Variants in AAK1 observed in about 807,000 individuals in gnomAD.
AAK1 encodes the protein AP2-associated protein kinase 1.
A neutral mutation model predicts 116.0 loss-of-function variants in AAK1; 37 were observed. The observed-to-expected ratio is 0.32, with a 90% CI of 0.25 to 0.42. AAK1 has a LOEUF of 0.42. Among genes scored for constraint, AAK1 ranks in the 10% least tolerant of loss-of-function variants. The pLI is 1.00. For synonymous variants in AAK1, 458 were observed against 439.9 expected (o/e 1.04, Z -0.51); for missense variants, 919 against 1,170.6 (o/e 0.79, Z 3.14).
chr2:69,634,024 G>C (rs1675338752), intron 2 of AAK1, among the ~76,000 whole-genome samples: 1 of 152,184 alleles, frequency 6.6e-6, no homozygotes, highest in Admixed American at 6.5e-5. Context: ...ACAAAAATTA[G>C]CTGGGTGTGG....
At position 69,475,935 on chromosome 2, in the gene AAK1, G is replaced by A; in HGVS notation, c.2820C>T (p.Ser940=). Residue 940 remains serine (S), a synonymous_variant, in exon 22 of 22, where the codon AGC becomes AGT. Transcript: ENST00000409085. ...CTAGGTTGGGAAGACTGGACTCAGA[G>A]CTCCCACTGCTGTTTCTAGAGTGCC... ...QGGHSRNSSG[S]SESSLPNLAR... 1 of 1,612,364 alleles carries A rather than the reference G, an allele frequency of 6.2e-7. No homozygotes were observed. Among genetic ancestry groups the A allele is most frequent in the Non-Finnish European group, 8.5e-7 (1 of 1,179,302 alleles).
chr2:69,640,087 C>A (rs1372372218), intron 2 of AAK1, among the ~76,000 whole-genome samples: 1 of 147,388 alleles, frequency 6.8e-6, no homozygotes, highest in South Asian at 2.1e-4. Flanking sequence ...TCTCCCCCCC[C>A]ACATATATAC....
intron 2 of AAK1, among the ~76,000 whole-genome samples, chr2:69,642,107 A>G: frequency 6.6e-6 from 1 of 152,212 alleles, no homozygotes; most frequent in Non-Finnish European, 1.5e-5. Context: ...ATAGACACAC[A>G]GATGAAACAC....
At chr2:69,514,991 T>A (rs924499601) in intron 12 of AAK1, among the ~76,000 whole-genome samples, 1 of 152,232 alleles carries the variant, frequency 6.6e-6, no homozygotes. Flanking sequence ...CACTACAGAC[T>A]GGCCTTCCAA....
chr2:69,630,046 A>T (rs1416576907), intron 2 of AAK1, among the ~76,000 whole-genome samples: 1 of 152,132 alleles, frequency 6.6e-6, no homozygotes, highest in Admixed American at 6.5e-5. Flanking sequence ...GGAAAGAACT[A>T]AATCCACGGT....
Position 69,514,429 on chromosome 2 carries a change from T to G in AAK1, c.1776+42A>C, listed in dbSNP as rs781119911. On this transcript the variant is annotated intron_variant, in intron 13 of 21. Transcript: ENST00000409085. ...CCTTCCCCTAGCTCTCGCTGCACATTCCTCTGCTGCTTTTGTGCTCTGAGC... is the reference window on the plus strand; with the variant it reads ...CCTTCCCCTAGCTCTCGCTGCACATGCCTCTGCTGCTTTTGTGCTCTGAGC... 4 of 1,488,682 alleles carry G rather than the reference T, an allele frequency of 2.7e-6. No individual in the cohort carries two copies. The South Asian group carries it at 4.1e-5, about 15-fold the overall frequency. The allele number at this position is 1,488,682 out of a possible 1,614,324, so 92.2% of individuals were successfully genotyped here. A position where few individuals can be genotyped will look rare whatever the true frequency, so the allele number is the denominator to read the frequency against.
chr2:69,465,366 G>A lies in AAK1; in HGVS notation c.*10503C>T. 1.7e-6 allele frequency: 2 copies of A among 1,196,570 alleles called. No individual in the cohort carries two copies. Among genetic ancestry groups the A allele is most frequent in the Non-Finnish European group, 2.1e-6 (2 of 937,060 alleles). 74.1% of individuals were successfully genotyped at this position (1,196,570 alleles called of 1,614,324 possible). A position where few individuals can be genotyped will look rare whatever the true frequency, so the allele number is the denominator to read the frequency against. ...TTCTTCAGAAGGCTAAGCTGGGAGT[G>A]CCATGGCGGGTATTGAGGGTGGGAT... On this transcript the variant is annotated 3_prime_UTR_variant, in exon 22 of 22. Coordinates refer to ENST00000409085, the MANE Select transcript of AAK1 (RefSeq NM_014911.5).
At chr2:69,524,780 CT>C (rs1669948811) in intron 10 of AAK1, among the ~76,000 whole-genome samples, 1 of 152,184 alleles carries the variant, frequency 6.6e-6, no homozygotes, top group Admixed American at 6.5e-5. Flanking sequence ...CTGAATGCCC[CT>C]GAGCCTATTC....
chr2:69,472,845 G>C lies in AAK1; in HGVS notation c.*3024C>G, dbSNP rs1041381447. 1.0e-6 allele frequency: 1 copy of C among 985,528 alleles called. No individual in the cohort carries two copies. The highest frequency in any genetic ancestry group is 1.2e-6 in the Non-Finnish European group (1 of 829,844). The allele number at this position is 985,528 out of a possible 1,614,324, so 61.0% of individuals were successfully genotyped here. A position where few individuals can be genotyped will look rare whatever the true frequency, so the allele number is the denominator to read the frequency against. On this transcript the variant is annotated 3_prime_UTR_variant, in exon 22 of 22. Coordinates refer to ENST00000409085, the MANE Select transcript of AAK1 (RefSeq NM_014911.5). Reference sequence around the variant, plus strand: ...TAGGTAGGTGTGTGTCCACGCATGTGTTTCTGTAATACTTAAAAAGGAAAA... The same window carrying C: ...TAGGTAGGTGTGTGTCCACGCATGTCTTTCTGTAATACTTAAAAAGGAAAA...
chr2:69,527,895 G>T (rs1670088591), intron 8 of AAK1, among the ~76,000 whole-genome samples: 1 of 151,998 alleles, frequency 6.6e-6, no homozygotes, highest in Non-Finnish European at 1.5e-5. Flanking sequence ...TCCTCAGGGG[G>T]AAAAAAAATT....
chr2:69,515,960 T>C (rs1304030054), intron 12 of AAK1, among the ~76,000 whole-genome samples: 1 of 152,204 alleles, frequency 6.6e-6, no homozygotes, highest in East Asian at 1.9e-4. Context: ...AAATATCTAA[T>C]AGAATACTCT....
At chr2:69,642,098 T>C (rs1290456181) in intron 2 of AAK1, among the ~76,000 whole-genome samples, 1 of 152,064 alleles carries the variant, frequency 6.6e-6, no homozygotes, top group Non-Finnish European at 1.5e-5. Context: ...TACGTGAGTA[T>C]AGACACACAG....
In AAK1 at chr2:69,470,684, A is replaced by T; in HGVS notation, c.*5185T>A. 6.1e-6 allele frequency: 6 copies of T among 985,478 alleles called. No individual in the cohort carries two copies. The highest frequency in any genetic ancestry group is 6.0e-6 in the Non-Finnish European group (5 of 829,940). The allele number at this position is 985,478 out of a possible 1,614,324, so 61.0% of individuals were successfully genotyped here. A position where few individuals can be genotyped will look rare whatever the true frequency, so the allele number is the denominator to read the frequency against. ...CCATTTTACAACCCTGAGTCTGGTC[A>T]TATCCAGTGTAGGCTGGCAGGCGTC... is the stretch of plus-strand genomic sequence containing the variant. On this transcript the variant is annotated 3_prime_UTR_variant, in exon 22 of 22. Coordinates refer to ENST00000409085, the MANE Select transcript of AAK1 (RefSeq NM_014911.5).
At chr2:69,494,682 G>A (rs1382211521) in intron 17 of AAK1, among the ~76,000 whole-genome samples, 3 of 152,092 alleles carry the variant, frequency 2.0e-5, no homozygotes, top group African/African-American at 7.2e-5. Flanking sequence ...AGTACTGCCA[G>A]GCATACCTGA....
intron 2 of AAK1, among the ~76,000 whole-genome samples, chr2:69,637,262 C>T (rs904635188): frequency 2.6e-5 from 4 of 152,194 alleles, no homozygotes; most frequent in African/African-American, 7.2e-5. Context: ...TACTCCCCAA[C>T]CCACAAAATT....
intron 3 of AAK1, among the ~76,000 whole-genome samples, chr2:69,550,720 A>T (rs1671143794): frequency 1.3e-5 from 2 of 151,990 alleles, no homozygotes; most frequent in South Asian, 2.1e-4. Flanking sequence ...GGCTCAAGTG[A>T]TTCTCTTGCC....
rs1246909101 is a variant in AAK1 at position 69,473,049 on chromosome 2, T to C, written c.*2820A>G. ...CATAGCCCTTCTCAATATAATAATA[T>C]ATACTTAGGACCCTATACTTCTATA... On this transcript the variant is annotated 3_prime_UTR_variant, in exon 22 of 22. Coordinates refer to ENST00000409085, the MANE Select transcript of AAK1 (RefSeq NM_014911.5). 11 of 966,088 alleles carry C rather than the reference T, an allele frequency of 1.1e-5. No individual in the cohort carries two copies. Among genetic ancestry groups the C allele is most frequent in the Admixed American group, 1.2e-4 (2 of 16,230 alleles). 59.8% of individuals were successfully genotyped at this position (966,088 alleles called of 1,614,324 possible).
chr2:69,530,770 C>A, intron 6 of AAK1, 64 bp from the exon 7 acceptor site: 1 of 1,299,302 alleles, frequency 7.7e-7, no homozygotes, highest in Non-Finnish European at 1.1e-6. Context: ...CCAGGAGCAG[C>A]AGAAATACTT....
At chr2:69,629,165 G>C (rs1675048606) in intron 2 of AAK1, among the ~76,000 whole-genome samples, 1 of 152,300 alleles carries the variant, frequency 6.6e-6, no homozygotes, top group Admixed American at 6.5e-5. Flanking sequence ...GCCAATCTAT[G>C]CATTTTCAAA....
Sources: allele counts gnomAD v4.1 joint callset (sites outside exome capture counted in the v4.1 genomes callset), GRCh38; gene constraint gnomAD v4.1.1; transcripts MANE v1.5; gene names NCBI Gene and HGNC (gene_info 2026-07-23, HGNC 2026-07-21).